NLGN1: variants seen among roughly 807,000 people sequenced by gnomAD.
The protein encoded by NLGN1 is neuroligin-1.
A neutral mutation model predicts 65.5 loss-of-function variants in NLGN1; 12 were observed. The observed-to-expected ratio is 0.18, with a 90% confidence interval of 0.12 to 0.30. NLGN1 has a LOEUF of 0.30. Among genes scored for constraint, NLGN1 ranks in the 10% least tolerant of loss-of-function variants. The probability of loss-of-function intolerance (pLI) is 1.00; values close to 1 mark genes in which losing one functional copy is unlikely to be tolerated. For synonymous variants in NLGN1, 350 were observed against 359.5 expected (o/e 0.97, Z 0.30); for missense variants, 750 against 1,007.1 (o/e 0.74, Z 3.46).
At chr3:173,425,027 G>T (rs1306190937) in intron 1 of NLGN1, among the ~76,000 whole-genome samples, 1 of 152,108 alleles carries the variant, frequency 6.6e-6, no homozygotes, top group African/African-American at 2.4e-5. Context: ...TACAGCTGGG[G>T]GGCCTCAGGA....
At chr3:173,614,813 CT>C (rs1267113493) in intron 3 of NLGN1, among the ~76,000 whole-genome samples, 1 of 152,118 alleles carries the variant, frequency 6.6e-6, no homozygotes, top group South Asian at 2.1e-4. Context: ...CTTTTCTTCA[CT>C]TTTCTTCTCT....
intron 3 of NLGN1, among the ~76,000 whole-genome samples, chr3:173,651,043 A>G (rs1759091317): frequency 6.6e-6 from 1 of 151,964 alleles, no homozygotes; most frequent in Admixed American, 6.6e-5. Flanking sequence ...AATAATATAC[A>G]TTGTATCCAT....
chr3:173,428,742 T>C (rs551567606), intron 1 of NLGN1, among the ~76,000 whole-genome samples: 23 of 152,276 alleles, frequency 1.5e-4, no homozygotes, highest in African/African-American at 5.5e-4. Flanking sequence ...CATTGTTTTA[T>C]ACTTTCAGAT....
chr3:174,182,423 C>T (rs909782626), intron 4 of NLGN1, among the ~76,000 whole-genome samples: 5 of 152,228 alleles, frequency 3.3e-5, no homozygotes, highest in South Asian at 4.1e-4. Context: ...AGCATACAAA[C>T]TTCCACTTTA....
At chr3:173,624,033 C>G (rs539170816) in intron 3 of NLGN1, among the ~76,000 whole-genome samples, 17 of 152,194 alleles carry the variant, frequency 1.1e-4, no homozygotes, top group African/African-American at 3.8e-4. Flanking sequence ...GAGTTGTTCT[C>G]CATGAAAGGG....
intron 4 of NLGN1, among the ~76,000 whole-genome samples, chr3:174,204,191 A>C (rs1417848828): frequency 1.3e-5 from 2 of 152,130 alleles, no homozygotes; most frequent in Non-Finnish European, 2.9e-5. Flanking sequence ...TAATTTTACA[A>C]AATTGACCTA....
chr3:173,811,456 C>T (rs1361166319), intron 4 of NLGN1, among the ~76,000 whole-genome samples: 2 of 150,500 alleles, frequency 1.3e-5, no homozygotes, highest in South Asian at 2.1e-4. Flanking sequence ...CACAGCTACT[C>T]GGGAGCCTGA....
chr3:173,756,036 T>C (rs1777062385), intron 3 of NLGN1, among the ~76,000 whole-genome samples: 1 of 152,094 alleles, frequency 6.6e-6, no homozygotes, highest in African/African-American at 2.4e-5. Context: ...ACTCCTTTTA[T>C]TCAAAAATAT....
chr3:173,749,474 G>A (rs1174058983), intron 3 of NLGN1, among the ~76,000 whole-genome samples: 1 of 152,000 alleles, frequency 6.6e-6, no homozygotes, highest in Non-Finnish European at 1.5e-5. Context: ...CATGATGTGA[G>A]CATTTGGCAC....
Position 174,279,955 on chromosome 3 carries a change from T to C in NLGN1, c.1649+305T>C, listed in dbSNP as rs1751270538. 6.6e-6 allele frequency among the ~76,000 whole-genome samples: 1 copy of C among 151,956 alleles called. No individual in the cohort carries two copies. The highest frequency in any genetic ancestry group is 1.5e-5 in the Non-Finnish European group (1 of 67,938). On this transcript the variant is annotated intron_variant, in intron 6 of 6. Coordinates refer to ENST00000457714, the Ensembl canonical transcript of NLGN1. The surrounding 1 kb of genome is among the most constrained non-coding windows in gnomAD (Gnocchi z 4.7). ...AGCAGTAATAAATATTATTTTATAG[T>C]GCTTTGTCATTCACAACACTCTTTA...
chr3:173,816,913 T>G (rs1719148138), intron 4 of NLGN1, among the ~76,000 whole-genome samples: 1 of 152,268 alleles, frequency 6.6e-6, no homozygotes. Flanking sequence ...ATCTCCCTTT[T>G]AAAATTGTCT....
At chr3:174,070,832 A>T (rs1404902883) in intron 4 of NLGN1, among the ~76,000 whole-genome samples, 1 of 152,134 alleles carries the variant, frequency 6.6e-6, no homozygotes, top group Non-Finnish European at 1.5e-5. Flanking sequence ...AGGTAGGAGG[A>T]TTGCTTGAAT....
intron 1 of NLGN1, among the ~76,000 whole-genome samples, chr3:173,418,185 TATA>T (rs949123895): frequency 6.0e-5 from 9 of 151,090 alleles, no homozygotes; most frequent in Non-Finnish European, 1.2e-4. Flanking sequence ...AAGGCATAAT[TATA>T]ATATAATTGG....
intron 4 of NLGN1, among the ~76,000 whole-genome samples, chr3:173,965,246 A>G (rs529904644): frequency 1.3e-5 from 2 of 152,116 alleles, no homozygotes; most frequent in Non-Finnish European, 2.9e-5. Flanking sequence ...CATGTTTTCC[A>G]AACTTGTTTA....
chr3:174,216,855 A>G (rs1324718617), intron 4 of NLGN1, among the ~76,000 whole-genome samples: 1 of 152,102 alleles, frequency 6.6e-6, no homozygotes, highest in Admixed American at 6.6e-5. Flanking sequence ...GAGTCACATC[A>G]TTAGTGGTAT....
intron 2 of NLGN1, among the ~76,000 whole-genome samples, chr3:173,599,294 G>A (rs1750046161): frequency 6.6e-6 from 1 of 152,104 alleles, no homozygotes; most frequent in Non-Finnish European, 1.5e-5. Context: ...TTTATTACAG[G>A]CAAAGAATAC....
chr3:174,214,974 G>C (rs867448845), intron 4 of NLGN1, among the ~76,000 whole-genome samples: 2 of 152,038 alleles, frequency 1.3e-5, no homozygotes, highest in African/African-American at 2.4e-5. Context: ...TGTAAAAGAA[G>C]GGGAAAATGG....
At position 174,184,398 on chromosome 3, in the gene NLGN1, T is replaced by C. The variant is rs143970354; in HGVS notation, c.647-90917T>C. Among the ~76,000 whole-genome samples the C allele has an allele frequency of 3.6e-3, 545 of 152,214 alleles. 2 individuals carry two copies. Among genetic ancestry groups the C allele is most frequent in the African/African-American group, 0.012 (517 of 41,546 alleles). ...AATGTCACATTACATAAAGATTAAC[T>C]TCAGTATTACATCAAATCATTCTTC... On this transcript the variant is annotated intron_variant, in intron 4 of 6. Coordinates refer to ENST00000457714, the Ensembl canonical transcript of NLGN1.
intron 4 of NLGN1, among the ~76,000 whole-genome samples, chr3:174,128,314 T>A (rs1373073986): frequency 1.3e-5 from 2 of 152,164 alleles, no homozygotes; most frequent in Admixed American, 1.3e-4. Context: ...TTTGTAAAGG[T>A]GTAATAATTT....
Sources: gnomAD v4.1 joint callset for allele counts (sites outside exome capture counted in the v4.1 genomes callset) on GRCh38, gnomAD v4.1.1 for gene constraint, Gnocchi (gnomAD v3.1) non-coding constraint, MANE v1.5 for transcripts, NCBI Gene and HGNC (gene_info 2026-07-23, HGNC 2026-07-21) for gene names.